Variants in OVCH1 observed in about 807,000 individuals in gnomAD.
The protein encoded by OVCH1 is ovochymase 1.
Under a neutral mutation model 138.4 loss-of-function variants are expected in OVCH1, and 139 were observed. The ratio of observed to expected loss-of-function variants is 1.00; its 90% CI spans 0.87 to 1.16. The LOEUF (loss-of-function observed/expected upper bound fraction) is 1.16. OVCH1 is among the 50% of genes most tolerant of loss of function. The probability of loss-of-function intolerance (pLI) is 0.00; values close to 1 mark genes in which losing one functional copy is unlikely to be tolerated. For synonymous variants in OVCH1, 453 were observed against 467.8 expected, an observed-to-expected ratio of 0.97 and a Z score of 0.41; for missense variants, 1,367 against 1,357.9, an observed-to-expected ratio of 1.01 and a Z score of -0.11.
intron 4 of OVCH1, among the ~76,000 whole-genome samples, chr12:29,492,066 A>G (rs940209325): frequency 1.3e-5 from 2 of 152,162 alleles, no homozygotes; most frequent in African/African-American, 4.8e-5. Context: ...AATACATGCT[A>G]TGGAAAAATA....
chr12:29,489,552 T>G (rs1316792842), intron 6 of OVCH1, 68 bp downstream of exon 6: 4 of 1,463,012 alleles, frequency 2.7e-6, no homozygotes, highest in Admixed American at 2.5e-5. Context: ...GAGCTTCTTT[T>G]GGGGAAAGGC....
At chr12:29,457,427 A>G (rs1313171804) in intron 19 of OVCH1, among the ~76,000 whole-genome samples, 1 of 108,082 alleles carries the variant, frequency 9.3e-6, no homozygotes, top group East Asian at 2.9e-4. Context: ...TTGGTGAGAC[A>G]GAGTCTTGCT....
At chr12:29,423,935 G>C (rs1220916446), downstream of OVCH1, among the ~76,000 whole-genome samples, 1 of 152,100 alleles carries the variant, frequency 6.6e-6, no homozygotes, top group Non-Finnish European at 1.5e-5. Flanking sequence ...AAATAACCTG[G>C]AAGTTTTAAA....
intron 26 of OVCH1, among the ~76,000 whole-genome samples, chr12:29,436,210 A>C (rs1430569878): frequency 6.6e-6 from 1 of 152,058 alleles, no homozygotes; most frequent in African/African-American, 2.4e-5. Context: ...AAAATGCTGA[A>C]TGAATCTAGT....
At chr12:29,405,558 T>A in the OVCH1 span, among the ~76,000 whole-genome samples, 47,071 of 152,154 alleles carry the variant, frequency 0.31, 8,599 homozygotes, top group Middle Eastern at 0.52. Flanking sequence ...AATCCCACCA[T>A]TTTTCTCTCT....
At position 29,497,552 on chromosome 12, in the gene OVCH1, G is replaced by C. The variant is rs1361663625; in HGVS notation, c.64+71C>G. 20 of 1,568,962 alleles carry C rather than the reference G, an allele frequency of 1.3e-5. No individual in the cohort carries two copies. The Admixed American group carries it at 3.5e-4, about 28-fold the overall frequency. On this transcript the variant is annotated intron_variant, in intron 1 of 27. Coordinates refer to ENST00000318184, the Ensembl canonical transcript of OVCH1. ...CCACCCCGACTTCCTGAGGCAAGGAGTAATGAAGTCTTCCCTCTCCAGCAC... is the reference window on the plus strand; with the variant it reads ...CCACCCCGACTTCCTGAGGCAAGGACTAATGAAGTCTTCCCTCTCCAGCAC...
intron 25 of OVCH1, chr12:29,439,485 CA>C: frequency 8.7e-7 from 1 of 1,143,324 alleles, no homozygotes; most frequent in Non-Finnish European, 1.1e-6. Context: ...AAACAAAAAG[CA>C]AAAAACAAAA....
chr12:29,488,143 T>C (rs1031013409), intron 6 of OVCH1, among the ~76,000 whole-genome samples: 7 of 151,522 alleles, frequency 4.6e-5, no homozygotes, highest in African/African-American at 1.7e-4. Context: ...CTCTTCCTCC[T>C]CTTTTTTTTT....
At chr12:29,429,141 CTATAT>C (rs1941227242) in intron 27 of OVCH1, among the ~76,000 whole-genome samples, 1 of 152,132 alleles carries the variant, frequency 6.6e-6, no homozygotes, top group African/African-American at 2.4e-5. Context: ...AAAGGGCCAT[CTATAT>C]TATGAGTATA....
intron 22 of OVCH1, among the ~76,000 whole-genome samples, chr12:29,450,169 G>A (rs777499984): frequency 5.9e-5 from 9 of 152,078 alleles, no homozygotes; most frequent in Non-Finnish European, 8.8e-5. Flanking sequence ...TGACAAATAG[G>A]ATCTAATTAA....
At chr12:29,442,642 T>A (rs906477072) in intron 25 of OVCH1, among the ~76,000 whole-genome samples, 2 of 150,772 alleles carry the variant, frequency 1.3e-5, no homozygotes, top group Non-Finnish European at 3.0e-5. Flanking sequence ...TAAAAAAAAA[T>A]AAAAAAAAGA....
rs10651165 is a variant in OVCH1 at position 29,449,276 on chromosome 12, TACACACAC to T, written c.2755+2061_2755+2068del. ...CCCTCTTGCCTTTTTCCCCCCTCCC[TACACACAC>T]ACACACACACACACACACACACACA... On this transcript the variant is annotated intron_variant, in intron 22 of 27. Transcript: ENST00000318184. Among the ~76,000 whole-genome samples, 1,319 of 137,418 alleles carry T rather than the reference TACACACAC, an allele frequency of 9.6e-3. 16 individuals are homozygous for T. The highest frequency in any genetic ancestry group is 0.03 in the African/African-American group (1,138 of 37,378). 90.2% of individuals were successfully genotyped at this position (137,418 alleles called of 152,430 possible).
intron 8 of OVCH1, among the ~76,000 whole-genome samples, chr12:29,484,331 A>G (rs537987332): frequency 6.6e-6 from 1 of 152,356 alleles, no homozygotes; most frequent in South Asian, 2.1e-4. Flanking sequence ...CAATCTCATT[A>G]CCAGACGCTG....
At chr12:29,441,484 G>A (rs2135919850) in intron 25 of OVCH1, among the ~76,000 whole-genome samples, 1 of 152,240 alleles carries the variant, frequency 6.6e-6, no homozygotes, top group East Asian at 1.9e-4. Flanking sequence ...ATGGATTAAA[G>A]ACTTACATGT....
intron 3 of OVCH1, 29 bp downstream of exon 3, chr12:29,496,152 C>T: frequency 6.4e-7 from 1 of 1,556,950 alleles, no homozygotes; most frequent in Non-Finnish European, 8.8e-7. Flanking sequence ...GAATCAAGGC[C>T]TGACAAGTAA....
intron 27 of OVCH1, among the ~76,000 whole-genome samples, chr12:29,428,017 A>G (rs1335355553): frequency 1.3e-5 from 2 of 152,228 alleles, no homozygotes; most frequent in Non-Finnish European, 2.9e-5. Context: ...AGTCCCTGAC[A>G]TACAGAGAAC....
At chr12:29,417,829 T>A (rs1941052926) in intron 3 of OVCH1, among the ~76,000 whole-genome samples, 2 of 151,814 alleles carry the variant, frequency 1.3e-5, no homozygotes, top group Non-Finnish European at 2.9e-5. Flanking sequence ...ACCCAGAGAT[T>A]ACACTGTACA....
At chr12:29,418,323 C>T (rs950109458) in intron 3 of OVCH1, among the ~76,000 whole-genome samples, 3 of 152,138 alleles carry the variant, frequency 2.0e-5, no homozygotes, top group Non-Finnish European at 2.9e-5. Flanking sequence ...AATTGAACAT[C>T]TCATGCTTCA....
intron 13 of OVCH1, 52 bp from the exon 14 acceptor site, chr12:29,475,241 G>T: frequency 7.6e-7 from 1 of 1,320,550 alleles, no homozygotes; most frequent in South Asian, 1.7e-5. Context: ...TAAAAAATCA[G>T]AACACACAGT....
Sources: gnomAD v4.1 joint callset for allele counts (sites outside exome capture counted in the v4.1 genomes callset) on GRCh38, gnomAD v4.1.1 for gene constraint, MANE v1.5 for transcripts, NCBI Gene and HGNC (gene_info 2026-07-23, HGNC 2026-07-21) for gene names.